The following ORC3 variants were observed in gnomAD, a reference collection of about 807,000 sequenced individuals.
ORC3 encodes origin recognition complex subunit 3.
ORC3 carries 78 observed loss-of-function variants against 100.7 expected under a neutral mutation model. That is an observed-to-expected ratio of 0.77 (90% CI 0.65 to 0.94). The LOEUF (loss-of-function observed/expected upper bound fraction) is 0.94, where lower values mean the gene tolerates loss of function less well. Among genes scored for constraint, ORC3 ranks in the 40% least tolerant of loss-of-function variants. The pLI, the probability that ORC3 is intolerant of heterozygous loss-of-function variation, is 0.00. For synonymous variants in ORC3, 295 were observed against 289.3 expected, an observed-to-expected ratio of 1.02 and a Z score of -0.20; for missense variants, 789 against 823.9, an observed-to-expected ratio of 0.96 and a Z score of 0.52.
the ORC3 span, among the ~76,000 whole-genome samples, chr6:87,676,370 G>C: frequency 6.8e-6 from 1 of 146,484 alleles, no homozygotes; most frequent in Admixed American, 7.0e-5. Flanking sequence ...GGAGGCTGAG[G>C]CAGGAGAATG....
intron 11 of ORC3, among the ~76,000 whole-genome samples, chr6:87,627,042 G>C (rs962119619): frequency 6.6e-6 from 1 of 151,494 alleles, no homozygotes; most frequent in Admixed American, 6.6e-5. Flanking sequence ...TTGTTGCCCA[G>C]GGTGGAGTGT....
chr6:87,637,586 A>G (rs1767922743), intron 13 of ORC3, among the ~76,000 whole-genome samples: 1 of 152,100 alleles, frequency 6.6e-6, no homozygotes, highest in African/African-American at 2.4e-5. Flanking sequence ...AAATATACCT[A>G]TCTTATATAC....
intron 15 of ORC3, 145 bp downstream of exon 15, chr6:87,657,127 G>A (rs1010299611): frequency 9.9e-6 from 6 of 605,516 alleles, no homozygotes; most frequent in African/African-American, 9.2e-5. Flanking sequence ...TCACTTCTAA[G>A]TTGAACATCC....
intron 13 of ORC3, among the ~76,000 whole-genome samples, chr6:87,649,124 T>C (rs1769039963): frequency 6.6e-6 from 1 of 152,224 alleles, no homozygotes; most frequent in Admixed American, 6.5e-5. Context: ...GTACTTACAT[T>C]TTTATTCTAT....
the ORC3 span, among the ~76,000 whole-genome samples, chr6:87,672,476 C>G: frequency 1.3e-5 from 2 of 152,114 alleles, no homozygotes; most frequent in African/African-American, 4.8e-5. Flanking sequence ...AATGCAGGAG[C>G]AAGAGAATTG....
intron 16 of ORC3, among the ~76,000 whole-genome samples, chr6:87,662,113 T>A (rs1770227811): frequency 6.6e-6 from 1 of 152,128 alleles, no homozygotes; most frequent in Admixed American, 6.6e-5. Flanking sequence ...TCTAACGTAA[T>A]AAGTAATTCC....
intron 13 of ORC3, among the ~76,000 whole-genome samples, chr6:87,642,763 G>A (rs1768374727): frequency 6.6e-6 from 1 of 151,020 alleles, no homozygotes; most frequent in Admixed American, 6.6e-5. Flanking sequence ...TTAGCCGGGT[G>A]TGGTGGCAGA....
chr6:87,662,282 G>A (rs969654974), intron 16 of ORC3, among the ~76,000 whole-genome samples: 3 of 152,012 alleles, frequency 2.0e-5, no homozygotes, highest in South Asian at 2.1e-4. Flanking sequence ...AAAATTAGCC[G>A]GGCGTGTTGG....
intron 3 of ORC3, among the ~76,000 whole-genome samples, chr6:87,602,198 C>T (rs1777954853): frequency 6.6e-6 from 1 of 152,016 alleles, no homozygotes; most frequent in African/African-American, 2.4e-5. Flanking sequence ...TACCACGGCA[C>T]TCCAGCCTGG....
chr6:87,598,552 T>C (rs1479521594), intron 2 of ORC3, among the ~76,000 whole-genome samples: 1 of 152,210 alleles, frequency 6.6e-6, no homozygotes, highest in East Asian at 1.9e-4. Flanking sequence ...ACTTTTTGTA[T>C]TGAATTTAAG....
chr6:87,647,559 G>T (rs1035435754), intron 13 of ORC3, among the ~76,000 whole-genome samples: 1 of 152,010 alleles, frequency 6.6e-6, no homozygotes, highest in African/African-American at 2.4e-5. Flanking sequence ...AATTTTTAAC[G>T]CATATATCGT....
chr6:87,594,978 G>T (rs1312598697), intron 2 of ORC3, among the ~76,000 whole-genome samples: 19 of 152,142 alleles, frequency 1.2e-4, no homozygotes, highest in Non-Finnish European at 7.4e-5. Context: ...TAAAAATTTT[G>T]ATGTGATATT....
chr6:87,596,106 C>A (rs1227967049), intron 2 of ORC3, among the ~76,000 whole-genome samples: 3 of 151,916 alleles, frequency 2.0e-5, no homozygotes, highest in Non-Finnish European at 4.4e-5. Flanking sequence ...CCTCAAAGTG[C>A]TGGGATTACA....
Position 87,607,699 on chromosome 6 carries a change from A to G in ORC3, c.454A>G (p.Ile152Val), listed in dbSNP as rs1365885749. The G allele has an allele frequency of 6.2e-7, 1 of 1,605,492 alleles. No homozygotes were observed. Among genetic ancestry groups the G allele is most frequent in the Non-Finnish European group, 8.5e-7 (1 of 1,176,842 alleles). Reference sequence around the variant, plus strand: ...TATGAAACATTTTTTGCAAAAGTTGATCTCACAGTTGATGGACTGCTGTGT... The same window carrying G: ...TATGAAACATTTTTTGCAAAAGTTGGTCTCACAGTTGATGGACTGCTGTGT... ...PDMKHFLQKL[I>V]SQLMDCCVDI... The change falls in exon 6 of 20, where the codon ATC becomes GTC. Residue 152 changes from isoleucine to valine, a missense_variant. Ile to Val is a conservative substitution (Grantham distance 29, BLOSUM62 3). Around this residue, in one of 3 missense-constraint regions of ORC3, gnomAD observed 399 missense variants for 382.0 expected, o/e 1.04. Transcript: ENST00000392844.
chr6:87,653,533 AAG>A (rs1769439818), intron 14 of ORC3, among the ~76,000 whole-genome samples: 1 of 152,248 alleles, frequency 6.6e-6, no homozygotes, highest in Non-Finnish European at 1.5e-5. Context: ...AGTCAACAAA[AAG>A]AAATCAAAAA....
At chr6:87,618,259 A>C (rs1010146513) in intron 9 of ORC3, among the ~76,000 whole-genome samples, 2 of 152,060 alleles carry the variant, frequency 1.3e-5, no homozygotes, top group Non-Finnish European at 2.9e-5. Flanking sequence ...AAATACAAAA[A>C]ATTAGCCAGG....
chr6:87,613,050 A>C (rs1345129392), intron 8 of ORC3, among the ~76,000 whole-genome samples: 1 of 152,220 alleles, frequency 6.6e-6, no homozygotes, highest in Non-Finnish European at 1.5e-5. Context: ...TTTCTACATA[A>C]ATGCAAGTAT....
chr6:87,593,756 G>A (rs1777216099), intron 1 of ORC3, among the ~76,000 whole-genome samples: 1 of 152,230 alleles, frequency 6.6e-6, no homozygotes, highest in African/African-American at 2.4e-5. Context: ...GAGTGCAATG[G>A]CACGATCTCA....
At chr6:87,595,081 G>A (rs1777335219) in intron 2 of ORC3, 1 of 152,216 alleles carries the variant, frequency 6.6e-6, no homozygotes, top group South Asian at 2.1e-4. Flanking sequence ...CTACATGTGT[G>A]TTAGAATACT....
Sources: allele counts gnomAD v4.1 joint callset (sites outside exome capture counted in the v4.1 genomes callset), GRCh38; gene constraint gnomAD v4.1.1; regional missense constraint gnomAD v4.1.1; transcripts MANE v1.5; gene names NCBI Gene and HGNC (gene_info 2026-07-23, HGNC 2026-07-21).